SUCLA2: variants seen among roughly 807,000 people sequenced by gnomAD.
SUCLA2 encodes the protein succinate-CoA ligase ADP-forming subunit beta, also known as succinate--CoA ligase [ADP-forming] subunit beta, mitochondrial.
A neutral mutation model predicts 54.8 loss-of-function variants in SUCLA2; 30 were observed. The observed-to-expected ratio is 0.55, with a 90% CI of 0.41 to 0.74. SUCLA2 has a LOEUF of 0.74. Ranked by LOEUF, SUCLA2 falls within the 30% of genes least tolerant of loss-of-function variation. The pLI is 0.00. For missense variants in SUCLA2, 476 were observed against 562.9 expected, an observed-to-expected ratio of 0.85 and a Z score of 1.56; for synonymous variants, 172 against 188.9, an observed-to-expected ratio of 0.91 and a Z score of 0.74.
rs898823868 is a variant in SUCLA2 at position 47,944,435 on chromosome 13, A to T, written c.1318-990T>A. ...ACTTTTACCTCTCATGATCTATTTGATCAAGGTCCTACTGGTTCTTCTCCT... is the reference window on the plus strand; with the variant it reads ...ACTTTTACCTCTCATGATCTATTTGTTCAAGGTCCTACTGGTTCTTCTCCT... On this transcript the variant is annotated intron_variant, in intron 10 of 10. Transcript: ENST00000646932. Among the ~76,000 whole-genome samples the T allele has an allele frequency of 2.0e-5, 3 of 152,162 alleles. No individual in the cohort carries two copies. In the East Asian group the frequency reaches 5.8e-4, roughly 29 times the overall value.
At chr13:47,961,289 G>T (rs779123023) in intron 6 of SUCLA2, among the ~76,000 whole-genome samples, 2 of 152,034 alleles carry the variant, frequency 1.3e-5, no homozygotes, top group South Asian at 2.1e-4. Context: ...GGAGTGGGGG[G>T]GGCCAGACAG....
At chr13:47,971,041 A>G (rs543874770) in intron 5 of SUCLA2, among the ~76,000 whole-genome samples, 259 of 152,062 alleles carry the variant, frequency 1.7e-3, no homozygotes, top group African/African-American at 6.0e-3. Flanking sequence ...GTCTCAAAAA[A>G]AAACTAAAAA....
intron 8 of SUCLA2, among the ~76,000 whole-genome samples, chr13:47,950,134 C>A (rs759069315): frequency 2.0e-5 from 3 of 152,178 alleles, no homozygotes; most frequent in Admixed American, 1.3e-4. Flanking sequence ...ACATAGATAA[C>A]CCTTATAAAG....
rs1949983658 is a variant in SUCLA2, at chr13:47,973,320, T to C, written c.607A>G (p.Ile203Val). 3 of 1,613,594 alleles carry C rather than the reference T, an allele frequency of 1.9e-6. No homozygotes were observed. The highest frequency in any genetic ancestry group is 1.3e-5 in the African/African-American group (1 of 75,034). ...TCAATATCAATAGGTTCTTTAATTA[T>C]TGCTTCAGGAGACTCAGCAGCAACA... is the stretch of plus-strand genomic sequence containing the variant. ...EDVAAESPEA[I>V]IKEPIDIEEG... The change falls in exon 5 of 11, where the codon ATA becomes GTA. Residue 203 changes from isoleucine to valine, a missense_variant. Physicochemically the swap from Ile to Val is conservative, Grantham distance 29. Transcript: ENST00000646932.
intron 10 of SUCLA2, 111 bp from the exon 11 acceptor site, chr13:47,943,556 G>T: frequency 1.1e-6 from 1 of 905,340 alleles, no homozygotes; most frequent in Non-Finnish European, 1.8e-6. Flanking sequence ...GGACTATTCT[G>T]ACATTGCTAT....
intron 2 of SUCLA2, 138 bp from the exon 3 acceptor site, chr13:47,989,119 C>G (rs1346880226): frequency 2.5e-6 from 2 of 814,120 alleles, no homozygotes; most frequent in African/African-American, 1.7e-5. Context: ...ATAAGGCATT[C>G]TCTTTATGTA....
chr13:47,976,001 C>T (rs1950009043), intron 4 of SUCLA2, among the ~76,000 whole-genome samples: 1 of 152,182 alleles, frequency 6.6e-6, no homozygotes, highest in African/African-American at 2.4e-5. Context: ...AATCCTAGCA[C>T]TTTGGGAAGC....
chr13:47,957,039 T>C (rs1461444258), intron 6 of SUCLA2, among the ~76,000 whole-genome samples: 8 of 152,180 alleles, frequency 5.3e-5, no homozygotes, highest in Admixed American at 5.2e-4. Context: ...GGAAGGGACC[T>C]TCATGGCTCT....
At chr13:47,984,324 G>C (rs963971671) in intron 4 of SUCLA2, among the ~76,000 whole-genome samples, 2 of 151,252 alleles carry the variant, frequency 1.3e-5, no homozygotes, top group Non-Finnish European at 2.9e-5. Context: ...CTCCCGAGTA[G>C]CTGGGACTAC....
chr13:47,993,379 C>G (rs1950164685), intron 2 of SUCLA2, among the ~76,000 whole-genome samples: 1 of 152,204 alleles, frequency 6.6e-6, no homozygotes, highest in Admixed American at 6.5e-5. Context: ...CTTTGATAAT[C>G]TATTCCAGAA....
At chr13:47,951,228 C>T (rs895734969) in intron 8 of SUCLA2, among the ~76,000 whole-genome samples, 41 of 151,448 alleles carry the variant, frequency 2.7e-4, no homozygotes, top group Admixed American at 2.7e-3. Flanking sequence ...CTCCGCTCAA[C>T]CTCCTTCCCC....
At chr13:47,975,405 C>A (rs1439712432) in intron 4 of SUCLA2, among the ~76,000 whole-genome samples, 1 of 152,056 alleles carries the variant, frequency 6.6e-6, no homozygotes. Context: ...AGGTGATTCA[C>A]CTCCCAAAGT....
chr13:47,949,066 C>T (rs1167158240), intron 9 of SUCLA2, 38 bp from the exon 10 acceptor site: 1 of 1,585,402 alleles, frequency 6.3e-7, no homozygotes, highest in Non-Finnish European at 8.7e-7. Context: ...GTTTTAAATA[C>T]ACACACAAAA....
At position 47,988,968 on chromosome 13, in the gene SUCLA2, G is replaced by T. The variant is rs1329792379; in HGVS notation, c.285C>A (p.Val95=). 2 of 1,613,268 alleles carry T rather than the reference G, an allele frequency of 1.2e-6. No homozygotes were observed. The highest frequency in any genetic ancestry group is 1.7e-6 in the Non-Finnish European group (2 of 1,179,864). Residue 95 remains valine, a synonymous_variant, in exon 3 of 11, where the codon GTC becomes GTA. Transcript: ENST00000646932. The stretch of plus-strand genomic sequence containing the variant: ...CAGCTAAAACCTGTGCCTTTATCAC[G>T]ACATCTTTTGAACCTAGAAGAAAAA... The part of the protein sequence containing the change: ...AIAKKLGSKD[V]VIKAQVLAGG...
intron 5 of SUCLA2, among the ~76,000 whole-genome samples, chr13:47,970,232 C>A (rs991946507): frequency 6.6e-6 from 1 of 151,662 alleles, no homozygotes; most frequent in African/African-American, 2.4e-5. Context: ...CCTAAAAAAA[C>A]AAAAACTAAA....
chr13:47,989,021 C>T (rs1668850628), intron 2 of SUCLA2, 40 bp from the exon 3 acceptor site: 2 of 1,561,322 alleles, frequency 1.3e-6, no homozygotes, highest in African/African-American at 2.7e-5. Context: ...AAGCATGGAG[C>T]AGCATGCCAG....
At chr13:47,963,965 AT>A (rs1949894511) in intron 6 of SUCLA2, among the ~76,000 whole-genome samples, 1 of 152,236 alleles carries the variant, frequency 6.6e-6, no homozygotes, top group Non-Finnish European at 1.5e-5. Flanking sequence ...AAATAAAAAT[AT>A]GGGCATATCA....
chr13:47,979,520 G>C (rs2137730375), intron 4 of SUCLA2, among the ~76,000 whole-genome samples: 1 of 152,062 alleles, frequency 6.6e-6, no homozygotes, highest in Non-Finnish European at 1.5e-5. Context: ...ATAGCATCAG[G>C]AGAAATACCT....
At chr13:47,993,421 T>C (rs1296766445) in intron 2 of SUCLA2, among the ~76,000 whole-genome samples, 1 of 152,228 alleles carries the variant, frequency 6.6e-6, no homozygotes, top group Non-Finnish European at 1.5e-5. Flanking sequence ...CCAACCTTCA[T>C]TTTGGGGACT....
Sources: gnomAD v4.1 joint callset for allele counts (sites outside exome capture counted in the v4.1 genomes callset) on GRCh38, gnomAD v4.1.1 for gene constraint, MANE v1.5 for transcripts, NCBI Gene and HGNC (gene_info 2026-07-23, HGNC 2026-07-21) for gene names.